PIGN: variants seen among roughly 807,000 people sequenced by gnomAD.
The protein encoded by PIGN is phosphatidylinositol glycan anchor biosynthesis class N, also known as GPI ethanolamine phosphate transferase 1.
PIGN carries 117 observed loss-of-function variants against 125.4 expected under a neutral mutation model. The observed-to-expected ratio is 0.93, with a 90% CI of 0.80 to 1.09. PIGN has a LOEUF of 1.09. Among genes scored for constraint, PIGN ranks in the 50% least tolerant of loss-of-function variants. PIGN has a pLI of 0.00. For missense variants in PIGN, 1,075 were observed against 1,094.9 expected (o/e 0.98, Z 0.26); for synonymous variants, 392 against 377.8 (o/e 1.04, Z -0.44).
At chr18:62,155,468 C>T (rs1057203103) in intron 6 of PIGN, among the ~76,000 whole-genome samples, 13 of 152,194 alleles carry the variant, frequency 8.5e-5, no homozygotes, top group African/African-American at 3.1e-4. Context: ...ACTCAGGGGG[C>T]TGAGGCAGAA....
rs2037753250 is a variant in PIGN, at chr18:62,182,479, A to G, written c.-236+4365T>C. Among the ~76,000 whole-genome samples, 3 of 152,148 alleles carry G rather than the reference A, an allele frequency of 2.0e-5. No individual in the cohort carries two copies. The South Asian group carries it at 6.2e-4, about 32-fold the overall frequency. The stretch of plus-strand genomic sequence containing the variant: ...AAATAGGCATTGTTCTTTACACCCT[A>G]TTCTTCCCCTTTATTTAATCTAACA... On this transcript the variant is annotated intron_variant, in intron 1 of 30. Coordinates refer to ENST00000640252, the MANE Select transcript of PIGN (RefSeq NM_176787.5).
intron 23 of PIGN, among the ~76,000 whole-genome samples, chr18:62,094,144 C>T (rs2034081742): frequency 6.6e-6 from 1 of 151,888 alleles, no homozygotes; most frequent in African/African-American, 2.4e-5. Flanking sequence ...ATATTTATCC[C>T]CTATGTAAGT....
chr18:62,147,395 CACTCTT>C (rs1338833230), intron 8 of PIGN, among the ~76,000 whole-genome samples: 2 of 152,194 alleles, frequency 1.3e-5, no homozygotes. Context: ...TCATGTCTCT[CACTCTT>C]ACTACATAAA....
At chr18:62,108,793 G>C (rs1232724182) in intron 17 of PIGN, among the ~76,000 whole-genome samples, 2 of 151,990 alleles carry the variant, frequency 1.3e-5, no homozygotes, top group Non-Finnish European at 2.9e-5. Context: ...TTGCCATGTT[G>C]GTCAGGCTGG....
At chr18:62,053,197 G>A (rs1295012037) in intron 30 of PIGN, among the ~76,000 whole-genome samples, 2 of 152,098 alleles carry the variant, frequency 1.3e-5, no homozygotes, top group African/African-American at 4.8e-5. Context: ...TGTAGAAGGA[G>A]GTAAGGTTTC....
At chr18:62,081,988 T>C (rs1218944229) in intron 28 of PIGN, among the ~76,000 whole-genome samples, 1 of 152,174 alleles carries the variant, frequency 6.6e-6, no homozygotes, top group Admixed American at 6.5e-5. Flanking sequence ...TTGAATATGC[T>C]AGCTTGATTC....
chr18:62,173,351 C>A (rs1739196415), intron 1 of PIGN, among the ~76,000 whole-genome samples: 1 of 152,180 alleles, frequency 6.6e-6, no homozygotes, highest in African/African-American at 2.4e-5. Flanking sequence ...CCACCTCAGC[C>A]TCCCTAGTAG....
chr18:62,143,522 T>TA (rs987490709), intron 10 of PIGN, among the ~76,000 whole-genome samples, 176 bp from the exon 11 acceptor site: 6 of 152,086 alleles, frequency 3.9e-5, no homozygotes, highest in African/African-American at 1.2e-4. Flanking sequence ...TTAAAGAATT[T>TA]AAAAAAAACA....
intron 23 of PIGN, among the ~76,000 whole-genome samples, chr18:62,094,592 CA>C (rs1449460486): frequency 6.6e-6 from 1 of 152,104 alleles, no homozygotes; most frequent in Non-Finnish European, 1.5e-5. Flanking sequence ...CCTGAAATTT[CA>C]CTAATAAAGG....
chr18:62,175,008 T>C (rs2037471011), intron 1 of PIGN, among the ~76,000 whole-genome samples: 1 of 147,868 alleles, frequency 6.8e-6, no homozygotes, highest in Admixed American at 6.8e-5. Flanking sequence ...TAAACATGAA[T>C]GACATAAACA....
intron 28 of PIGN, among the ~76,000 whole-genome samples, chr18:62,076,880 C>T (rs1012258842): frequency 1.3e-5 from 2 of 152,288 alleles, no homozygotes; most frequent in South Asian, 2.1e-4. Flanking sequence ...GTACAACCTT[C>T]TACCTAAAGC....
chr18:62,139,879 G>A (rs953976576), intron 12 of PIGN, among the ~76,000 whole-genome samples: 3 of 152,054 alleles, frequency 2.0e-5, no homozygotes, highest in African/African-American at 7.2e-5. Flanking sequence ...CAGATATCCT[G>A]GTTCCAGGTT....
At chr18:62,071,911 A>C (rs1330543449) in intron 30 of PIGN, among the ~76,000 whole-genome samples, 1 of 78,994 alleles carries the variant, frequency 1.3e-5, no homozygotes, top group Non-Finnish European at 2.5e-5. Flanking sequence ...TATATATATA[A>C]ATTTAACTGT....
intron 21 of PIGN, among the ~76,000 whole-genome samples, chr18:62,102,176 G>C (rs1225699968): frequency 6.6e-6 from 1 of 151,404 alleles, no homozygotes; most frequent in Non-Finnish European, 1.5e-5. Flanking sequence ...GCATTGAGCT[G>C]AGATTGTGCC....
At chr18:62,087,367 C>T (rs1184606490) in intron 25 of PIGN, among the ~76,000 whole-genome samples, 1 of 152,108 alleles carries the variant, frequency 6.6e-6, no homozygotes, top group African/African-American at 2.4e-5. Context: ...TCAGGAAGCC[C>T]CTGCAGACCA....
chr18:62,076,542 AT>A (rs1435795346), intron 28 of PIGN, among the ~76,000 whole-genome samples: 1 of 152,132 alleles, frequency 6.6e-6, no homozygotes, highest in Non-Finnish European at 1.5e-5. Context: ...ATGGGTTACA[AT>A]TTTGATGTCA....
intron 1 of PIGN, among the ~76,000 whole-genome samples, chr18:62,182,429 TTCC>T (rs1301612273): frequency 6.6e-6 from 1 of 152,224 alleles, no homozygotes; most frequent in Non-Finnish European, 1.5e-5. Flanking sequence ...TGGCACCACC[TTCC>T]CACCAAGTAT....
chr18:62,161,436 G>C, intron 3 of PIGN, 51 bp from the exon 4 acceptor site: 4 of 757,836 alleles, frequency 5.3e-6, no homozygotes, highest in Non-Finnish European at 8.7e-6. Flanking sequence ...GCATTCATAT[G>C]TATTTTCACA....
chr18:62,173,017 A>T (rs1306188064), intron 1 of PIGN, among the ~76,000 whole-genome samples: 1 of 152,192 alleles, frequency 6.6e-6, no homozygotes, highest in African/African-American at 2.4e-5. Flanking sequence ...AAGCAACCCA[A>T]CTCATATTTT....
Sources: allele counts gnomAD v4.1 joint callset (sites outside exome capture counted in the v4.1 genomes callset), GRCh38; gene constraint gnomAD v4.1.1; transcripts MANE v1.5; gene names NCBI Gene and HGNC (gene_info 2026-07-23, HGNC 2026-07-21).